The following COL4A6 variants were observed in gnomAD, a reference collection of about 807,000 sequenced individuals.
The protein encoded by COL4A6 is collagen alpha-6(IV) chain.
In COL4A6, 59 loss-of-function variants were observed where a neutral mutation model predicts 126.7. The observed-to-expected ratio is 0.47, with a 90% confidence interval of 0.38 to 0.58. The LOEUF is 0.58. COL4A6 is among the 20% of genes least tolerant of loss of function. The pLI is 0.00. For synonymous variants in COL4A6, 547 were observed against 496.6 expected (o/e 1.10, Z -1.35); for missense variants, 1,285 against 1,337.3 (o/e 0.96, Z 0.61).
At chrX:108,354,947 G>A (rs1284835533) in intron 2 of COL4A6, among the ~76,000 whole-genome samples, 1 of 111,093 alleles carries the variant, frequency 9.0e-6, no homozygotes, top group Non-Finnish European at 1.9e-5. Context: ...CCCTACGTAA[G>A]TTGTCTCTTT....
intron 2 of COL4A6, among the ~76,000 whole-genome samples, chrX:108,344,666 C>T (rs2039667600): frequency 8.9e-6 from 1 of 111,750 alleles, no homozygotes; most frequent in South Asian, 3.7e-4. Flanking sequence ...TAAATTAAAA[C>T]AATATTCTAT....
chrX:108,307,853 G>A (rs1401188069), intron 3 of COL4A6, among the ~76,000 whole-genome samples: 2 of 111,466 alleles, frequency 1.8e-5, no homozygotes, highest in Admixed American at 9.5e-5. Flanking sequence ...AGGAGGAAAG[G>A]GAGGATGACT....
chrX:108,282,589 T>G (rs370334607), intron 3 of COL4A6, among the ~76,000 whole-genome samples: 1 of 110,639 alleles, frequency 9.0e-6, no homozygotes, highest in Non-Finnish European at 1.9e-5. Context: ...GTCAGTGTGG[T>G]GATTCCTCAG....
intron 6 of COL4A6, among the ~76,000 whole-genome samples, chrX:108,212,799 C>T (rs2035748602): frequency 8.9e-6 from 1 of 111,823 alleles, no homozygotes. Flanking sequence ...AATACATGCC[C>T]AAGTTCCTAT....
intron 41 of COL4A6, 57 bp from the exon 42 acceptor site, chrX:108,161,792 TC>T: frequency 1.2e-6 from 1 of 813,825 alleles, no homozygotes; most frequent in Non-Finnish European, 1.8e-6. Context: ...CCAGGCACCT[TC>T]CCCAGGAAAG....
At chrX:108,404,738 A>G (rs1279217111) in intron 2 of COL4A6, among the ~76,000 whole-genome samples, 1 of 111,562 alleles carries the variant, frequency 9.0e-6, no homozygotes, top group Non-Finnish European at 1.9e-5. Flanking sequence ...ATGTATTCCA[A>G]TTTCTCCTCT....
At chrX:108,386,735 C>T (rs2040707108) in intron 2 of COL4A6, among the ~76,000 whole-genome samples, 1 of 111,736 alleles carries the variant, frequency 8.9e-6, no homozygotes, top group South Asian at 3.8e-4. Context: ...TCCCATTTGT[C>T]TATTTTGGCT....
chrX:108,264,080 G>T (rs949293746), intron 3 of COL4A6, among the ~76,000 whole-genome samples: 1 of 111,201 alleles, frequency 9.0e-6, no homozygotes, highest in Non-Finnish European at 1.9e-5. Flanking sequence ...TTTGTTTCTA[G>T]GGATAGTACT....
chrX:108,298,314 C>T (rs184332654), intron 3 of COL4A6, among the ~76,000 whole-genome samples: 234 of 112,885 alleles, frequency 2.1e-3, no homozygotes, highest in Middle Eastern at 4.6e-3. Flanking sequence ...CGCTCAGGGC[C>T]GAAGGCCACT....
chrX:108,210,131 T>A, intron 7 of COL4A6, 127 bp from the exon 8 acceptor site: 1 of 618,687 alleles, frequency 1.6e-6, no homozygotes, highest in Non-Finnish European at 2.5e-6. Context: ...GTCAAAGTCT[T>A]GTGTTTTAAA....
At chrX:108,225,186 AG>A (rs969239141) in intron 3 of COL4A6, among the ~76,000 whole-genome samples, 2 of 111,921 alleles carry the variant, frequency 1.8e-5, no homozygotes, top group East Asian at 5.7e-4. Flanking sequence ...CAGATGTCTT[AG>A]GGGGTCCTTG....
At chrX:108,196,367 G>A in intron 14 of COL4A6, 144 bp downstream of exon 14, 1 of 509,080 alleles carries the variant, frequency 2.0e-6, no homozygotes, top group Non-Finnish European at 3.4e-6. Context: ...AAGAGAGAAG[G>A]AGGTCTTAGG....
chrX:108,371,236 GA>G (rs1187252229), intron 2 of COL4A6, among the ~76,000 whole-genome samples: 1 of 107,563 alleles, frequency 9.3e-6, no homozygotes, highest in Non-Finnish European at 1.9e-5. Context: ...GCATCAAAAA[GA>G]AAAAAAAGAA....
intron 2 of COL4A6, among the ~76,000 whole-genome samples, chrX:108,370,113 G>A (rs1603177631): frequency 1.8e-5 from 2 of 112,436 alleles, no homozygotes; most frequent in East Asian, 5.6e-4. Flanking sequence ...AAGCAGCCAT[G>A]TTTCAGGGTC....
At chrX:108,180,397 A>G in intron 25 of COL4A6, 118 bp downstream of exon 25, 5 of 590,472 alleles carry the variant, frequency 8.5e-6, no homozygotes, top group South Asian at 2.9e-5. Context: ...CACACCAGAG[A>G]GCAAACTTGG....
In COL4A6 at chrX:108,156,849, C is replaced by T. The variant is rs767973605; in HGVS notation, c.*151G>A. ...TCTATGGACCCGAGGGCTGGGGTGACGAGTGTCCGGTAGTCTAGCCCAAAT... is the reference window on the plus strand; with the variant it reads ...TCTATGGACCCGAGGGCTGGGGTGATGAGTGTCCGGTAGTCTAGCCCAAAT... On this transcript the variant is annotated 3_prime_UTR_variant, in exon 45 of 45. Coordinates refer to ENST00000334504, the MANE Select transcript of COL4A6 (RefSeq NM_033641.4). 2.4e-4 allele frequency: 138 copies of T among 568,018 alleles called. No homozygotes were observed. The East Asian group carries it at 3.0e-3, about 12-fold the overall frequency. The allele number at this position is 568,018 out of a possible 1,213,427, so 46.8% of individuals were successfully genotyped here. A position where few individuals can be genotyped will look rare whatever the true frequency, so the allele number is the denominator to read the frequency against.
intron 2 of COL4A6, among the ~76,000 whole-genome samples, chrX:108,400,166 C>A (rs1023377480): frequency 9.0e-6 from 1 of 111,571 alleles, no homozygotes; most frequent in African/African-American, 3.3e-5. Flanking sequence ...TCTTTGCCCT[C>A]TTTACTGCTG....
At chrX:108,284,389 C>T (rs886638436) in intron 3 of COL4A6, among the ~76,000 whole-genome samples, 27 of 110,998 alleles carry the variant, frequency 2.4e-4, no homozygotes, top group Non-Finnish European at 3.8e-4. Context: ...CAGCAAACCA[C>T]CATGGCACAT....
chrX:108,343,155 A>AG lies in COL4A6; in HGVS notation c.64-32328_64-32327insC, dbSNP rs1368839081. ...TGGGAATATATATATATATATATAT[A>AG]TATATATATAGTGTGTGTGTGTGTG... is the stretch of plus-strand genomic sequence containing the variant. On this transcript the variant is annotated intron_variant, in intron 2 of 44. Transcript: ENST00000334504. Among the ~76,000 whole-genome samples the AG allele has an allele frequency of 3.0e-4, 22 of 74,491 alleles. No homozygotes were observed. In the East Asian group the frequency reaches 3.3e-3, roughly 11 times the overall value. 64.7% of individuals were successfully genotyped at this position (74,491 alleles called of 115,157 possible).
Sources: allele counts gnomAD v4.1 joint callset (sites outside exome capture counted in the v4.1 genomes callset), GRCh38; gene constraint gnomAD v4.1.1; transcripts MANE v1.5; gene names NCBI Gene and HGNC (gene_info 2026-07-23, HGNC 2026-07-21).